CKAP5: variants seen among roughly 807,000 people sequenced by gnomAD.
The protein encoded by CKAP5 is cytoskeleton-associated protein 5.
A neutral mutation model predicts 232.8 loss-of-function variants in CKAP5; 27 were observed. That is an observed-to-expected ratio of 0.12 (90% CI 0.09 to 0.16). The LOEUF is 0.16. Ranked by LOEUF, CKAP5 falls within the 10% of genes least tolerant of loss-of-function variation. The pLI is 1.00. For synonymous variants in CKAP5, 785 were observed against 841.1 expected, an observed-to-expected ratio of 0.93 and a Z score of 1.16; for missense variants, 1,838 against 2,424.7, an observed-to-expected ratio of 0.76 and a Z score of 5.08.
chr11:46,784,802 G>T, intron 16 of CKAP5, 129 bp from the exon 17 acceptor site: 13 of 575,560 alleles, frequency 2.3e-5, no homozygotes, highest in Admixed American at 3.2e-5. Flanking sequence ...GTAAAATCAG[G>T]ATTTTAAACA....
intron 4 of CKAP5, among the ~76,000 whole-genome samples, chr11:46,812,965 A>T (rs1939311400): frequency 6.6e-6 from 1 of 151,816 alleles, no homozygotes; most frequent in Non-Finnish European, 1.5e-5. Flanking sequence ...TATTATTATT[A>T]TTTTTGAGAT....
chr11:46,788,765 C>T lies in CKAP5; in HGVS notation c.1884G>A (p.Glu628=). 1.2e-6 allele frequency: 2 copies of T among 1,604,314 alleles called. No homozygotes were observed. Among genetic ancestry groups the T allele is most frequent in the East Asian group, 2.2e-5 (1 of 44,732 alleles). Residue 628 remains glutamate, a synonymous_variant, in exon 16 of 44, where the codon GAG becomes GAA. Coordinates refer to ENST00000529230, the MANE Select transcript of CKAP5 (RefSeq NM_001008938.4). ...ACMEEFQKAV[E]LMDRTEMPCQ... ...ATGGCATTTCAGTTCGGTCCATTAGCTCAACAGCCTTGAAGTAAAATAAGA... is the reference window on the plus strand; with the variant it reads ...ATGGCATTTCAGTTCGGTCCATTAGTTCAACAGCCTTGAAGTAAAATAAGA...
At chr11:46,814,263 A>G (rs2134679481) in intron 4 of CKAP5, among the ~76,000 whole-genome samples, 1 of 152,294 alleles carries the variant, frequency 6.6e-6, no homozygotes, top group African/African-American at 2.4e-5. Flanking sequence ...CTAAGATAAT[A>G]GAATGAGCAT....
chr11:46,765,147 T>G lies in CKAP5; in HGVS notation c.3521A>C (p.Asp1174Ala). 1 of 1,612,698 alleles carries G rather than the reference T, an allele frequency of 6.2e-7. No individual in the cohort carries two copies. Among genetic ancestry groups the G allele is most frequent in the Non-Finnish European group, 8.5e-7 (1 of 1,179,454 alleles). ...VPNGKEQRMK[D>A]EKGLKVLKWN... ...CTTCCTTACCTTCAATCCTTTTTCA[T>G]CTTTCATCCTTTGCTCTTTTCCATT... Residue 1174 changes from aspartate (D) to alanine (A), a missense_variant, in exon 28 of 44, where the codon GAT (aspartate) becomes GCT (alanine). Physicochemically the swap from Asp to Ala is moderately radical, Grantham distance 126. Around this residue, in one of 6 missense-constraint regions of CKAP5, gnomAD observed 767 missense variants for 954.6 expected, o/e 0.80. Transcript: ENST00000529230.
intron 1 of CKAP5, among the ~76,000 whole-genome samples, chr11:46,831,516 G>C (rs1057255856): frequency 3.3e-5 from 5 of 152,106 alleles, no homozygotes; most frequent in Non-Finnish European, 5.9e-5. Context: ...ATTTCATCAA[G>C]TCACAGAAGT....
intron 11 of CKAP5, 123 bp from the exon 12 acceptor site, chr11:46,797,063 T>A: frequency 9.4e-7 from 1 of 1,066,688 alleles, no homozygotes; most frequent in East Asian, 2.6e-5. Context: ...GAACTAAGTA[T>A]AGCTTTCCTT....
At chr11:46,845,554 G>A (rs1025882801) in intron 1 of CKAP5, among the ~76,000 whole-genome samples, 2 of 152,154 alleles carry the variant, frequency 1.3e-5, no homozygotes, top group African/African-American at 4.8e-5. Context: ...CTAGTTCACC[G>A]AGCCCGACCT....
intron 32 of CKAP5, among the ~76,000 whole-genome samples, chr11:46,761,344 G>A (rs1411813621): frequency 6.7e-6 from 1 of 150,072 alleles, no homozygotes; most frequent in Non-Finnish European, 1.5e-5. Flanking sequence ...CTCATTTTTT[G>A]TTTTGTCACC....
chr11:46,831,237 T>C (rs1042542597), intron 1 of CKAP5, among the ~76,000 whole-genome samples: 2 of 152,148 alleles, frequency 1.3e-5, no homozygotes, highest in African/African-American at 4.8e-5. Context: ...TTTTATATTA[T>C]TAAATTTTTT....
At chr11:46,844,798 C>G (rs896316488) in intron 1 of CKAP5, among the ~76,000 whole-genome samples, 6 of 152,046 alleles carry the variant, frequency 3.9e-5, no homozygotes, top group Non-Finnish European at 7.4e-5. Flanking sequence ...CCCGCCATCA[C>G]GCCCAGCCAT....
rs1428549262 is a variant in CKAP5, at chr11:46,780,555, G to C, written c.2250-70C>G. 3 of 1,327,026 alleles carry C rather than the reference G, an allele frequency of 2.3e-6. No homozygotes were observed. The African/African-American group carries it at 4.4e-5, about 19-fold the overall frequency. 82.2% of individuals were successfully genotyped at this position (1,327,026 alleles called of 1,614,324 possible). On this transcript the variant is annotated intron_variant, in intron 18 of 43. Coordinates refer to ENST00000529230, the MANE Select transcript of CKAP5 (RefSeq NM_001008938.4). The stretch of plus-strand genomic sequence containing the variant: ...AAAATACTCAATAACGTTTTATAAA[G>C]CCAGACTCTAGGACTGGCTCCCTTT...
intron 26 of CKAP5, 124 bp downstream of exon 26, chr11:46,769,839 G>T: frequency 9.4e-7 from 1 of 1,060,382 alleles, no homozygotes; most frequent in Non-Finnish European, 1.4e-6. Context: ...AGTAAGCAGA[G>T]AAGGAAGGAG....
chr11:46,840,758 A>G (rs1361980565), intron 1 of CKAP5, among the ~76,000 whole-genome samples: 1 of 152,188 alleles, frequency 6.6e-6, no homozygotes, highest in African/African-American at 2.4e-5. Context: ...AACTGGCTGG[A>G]AAATGTGTTT....
chr11:46,803,006 G>T (rs560628119), intron 8 of CKAP5, among the ~76,000 whole-genome samples: 1 of 152,106 alleles, frequency 6.6e-6, no homozygotes, highest in African/African-American at 2.4e-5. Flanking sequence ...GTTCACGCTT[G>T]TAACCTCAGG....
chr11:46,770,148 G>A, intron 25 of CKAP5, 50 bp from the exon 26 acceptor site: 1 of 1,577,142 alleles, frequency 6.3e-7, no homozygotes, highest in Non-Finnish European at 8.7e-7. Flanking sequence ...AAATGATAAA[G>A]TCATACAAAG....
chr11:46,761,876 T>C, intron 32 of CKAP5, 124 bp downstream of exon 32: 1 of 672,454 alleles, frequency 1.5e-6, no homozygotes, highest in East Asian at 2.6e-5. Context: ...GACACATTGA[T>C]AGGTTGAGTT....
intron 1 of CKAP5, among the ~76,000 whole-genome samples, chr11:46,824,890 C>CTATACATAA (rs1451458181): frequency 6.6e-6 from 1 of 152,134 alleles, no homozygotes; most frequent in South Asian, 2.1e-4. Flanking sequence ...ATAATGCTTG[C>CTATACATAA]TGTGGTTTAT....
At chr11:46,814,575 T>A (rs1226740393) in intron 4 of CKAP5, among the ~76,000 whole-genome samples, 1 of 152,186 alleles carries the variant, frequency 6.6e-6, no homozygotes, top group Non-Finnish European at 1.5e-5. Context: ...ACAGCTGCTT[T>A]CTAAAATATC....
At position 46,762,691 on chromosome 11, in the gene CKAP5, T is replaced by C. The variant is rs760390324; in HGVS notation, c.3963A>G (p.Pro1321=). Residue 1321 remains proline (P), a synonymous_variant, in exon 31 of 44, where the codon CCA becomes CCG. Coordinates refer to ENST00000529230, the MANE Select transcript of CKAP5 (RefSeq NM_001008938.4). The part of the protein sequence containing the change: ...AILNRMCLVY[P]ASKMFPFIME... ...TGATAAAGGGAAACATCTTGCTAGC[T>C]GGGTAGACAAGGCACATCCGGTTCA... 1 of 1,613,950 alleles carries C rather than the reference T, an allele frequency of 6.2e-7. No homozygotes were observed. The highest frequency in any genetic ancestry group is 2.2e-5 in the East Asian group (1 of 44,884).
Sources: allele counts gnomAD v4.1 joint callset (sites outside exome capture counted in the v4.1 genomes callset), GRCh38; gene constraint gnomAD v4.1.1; regional missense constraint gnomAD v4.1.1; transcripts MANE v1.5; gene names NCBI Gene and HGNC (gene_info 2026-07-23, HGNC 2026-07-21).